The following MX1 variants were observed in gnomAD, a reference collection of about 807,000 sequenced individuals.
MX1 encodes the protein interferon-induced GTP-binding protein Mx1.
A neutral mutation model predicts 66.4 loss-of-function variants in MX1; 66 were observed. The ratio of observed to expected loss-of-function variants is 0.99; its 90% CI spans 0.82 to 1.22. MX1 has a LOEUF of 1.22. MX1 is among the 50% of genes most tolerant of loss of function. The probability of loss-of-function intolerance (pLI) is 0.00; values close to 1 mark genes in which losing one functional copy is unlikely to be tolerated. For synonymous variants in MX1, 311 were observed against 318.1 expected, an observed-to-expected ratio of 0.98 and a Z score of 0.24; for missense variants, 787 against 834.3, an observed-to-expected ratio of 0.94 and a Z score of 0.70.
chr21:41,438,863 T>TA (rs1256848582), intron 7 of MX1, among the ~76,000 whole-genome samples: 19 of 152,186 alleles, frequency 1.2e-4, no homozygotes, highest in African/African-American at 4.3e-4. Context: ...CTTCTCCCAT[T>TA]TCTTCATTGG....
Position 41,458,658 on chromosome 21 carries a change from T to C in MX1, c.1889T>C (p.Leu630Pro). 21 of 1,614,218 alleles carry C rather than the reference T, an allele frequency of 1.3e-5. No homozygotes were observed. Among genetic ancestry groups the C allele is most frequent in the Non-Finnish European group, 1.8e-5 (21 of 1,180,034 alleles). The part of the protein sequence containing the change: ...LQDKDTYSWL[L>P]KERSDTSDKR... ...GACAAGGACACCTACAGCTGGCTCC[T>C]GAAGGAGCGGAGCGACACCAGCGAC... Residue 630 changes from leucine to proline, a missense_variant, in exon 17 of 17, where the codon CTG becomes CCG. Coordinates refer to ENST00000398598, the MANE Select transcript of MX1 (RefSeq NM_002462.5).
Position 41,437,121 on chromosome 21 carries a change from T to C in MX1, c.405T>C (p.Asp135=), listed in dbSNP as rs1355606726. ...AGGACTACGAGATTGAGATTTCGGA[T>C]GCTTCAGAGGTAGAAAAGGAAATTA... ...SYQDYEIEIS[D]ASEVEKEINK... is the part of the protein sequence containing the mutation. The change falls in exon 7 of 17, where the codon GAT becomes GAC. Residue 135 remains aspartate (D), a synonymous_variant. Coordinates refer to ENST00000398598, the MANE Select transcript of MX1 (RefSeq NM_002462.5). 1 of 1,614,026 alleles carries C rather than the reference T, an allele frequency of 6.2e-7. No individual in the cohort carries two copies. The highest frequency in any genetic ancestry group is 1.7e-5 in the Admixed American group (1 of 60,014).
At chr21:41,445,291 C>T (rs1377919918) in intron 11 of MX1, among the ~76,000 whole-genome samples, 157 bp from the exon 12 acceptor site, 10 of 152,128 alleles carry the variant, frequency 6.6e-5, no homozygotes, top group Non-Finnish European at 7.4e-5. Flanking sequence ...GTGTGTGCCC[C>T]CCTGCACCTC....
chr21:41,442,311 A>G (rs2090544438), intron 10 of MX1, among the ~76,000 whole-genome samples: 1 of 152,206 alleles, frequency 6.6e-6, no homozygotes, highest in Non-Finnish European at 1.5e-5. Flanking sequence ...TTTCAAATCA[A>G]ATAGTGGACT....
intron 14 of MX1, among the ~76,000 whole-genome samples, chr21:41,450,290 CCCTT>C (rs1273141413): frequency 1.3e-5 from 2 of 152,054 alleles, no homozygotes; most frequent in Admixed American, 1.3e-4. Context: ...TGGATCCACT[CCCTT>C]CTTGAAATGC....
In MX1 at chr21:41,445,443, C is replaced by T. The variant is rs2146270775; in HGVS notation, c.1009-5C>T. On this transcript the variant is annotated splice_polypyrimidine_tract_variant and splice_region_variant and intron_variant, in intron 11 of 16. Transcript: ENST00000398598. Reference sequence around the variant, plus strand: ...TTTCCATTATTTTCTCTCCATTTTCCTCAGAAATCTCTGCCCCTGTTAGAA... The same window carrying T: ...TTTCCATTATTTTCTCTCCATTTTCTTCAGAAATCTCTGCCCCTGTTAGAA... 1.2e-6 allele frequency: 2 copies of T among 1,613,460 alleles called. No individual in the cohort carries two copies. Among genetic ancestry groups the T allele is most frequent in the Non-Finnish European group, 1.7e-6 (2 of 1,179,766 alleles).
In MX1 at chr21:41,429,604, T is replaced by G. The variant is rs1041332628; in HGVS notation, c.-97-929T>G. On this transcript the variant is annotated intron_variant, in intron 3 of 16. Coordinates refer to ENST00000398598, the MANE Select transcript of MX1 (RefSeq NM_002462.5). ...AGTTTTAGGGAATAAATTCCCAGAT[T>G]GTCAGACTCCATAAGTACCGTTTAC... is the stretch of plus-strand genomic sequence containing the variant. 5 of 152,144 alleles carry G rather than the reference T, an allele frequency of 3.3e-5. No individual in the cohort carries two copies. The East Asian group carries it at 9.6e-4, about 29-fold the overall frequency. The allele number at this position is 152,144 out of a possible 1,614,324, so 9.4% of individuals were successfully genotyped here.
intron 16 of MX1, among the ~76,000 whole-genome samples, chr21:41,457,687 T>A (rs554773000): frequency 6.6e-6 from 1 of 152,312 alleles, no homozygotes; most frequent in Non-Finnish European, 1.5e-5. Flanking sequence ...TTTCTTTAAA[T>A]TGTGCAGAAA....
chr21:41,447,129 G>A (rs186820681), intron 13 of MX1, among the ~76,000 whole-genome samples: 1 of 152,306 alleles, frequency 6.6e-6, no homozygotes, highest in Admixed American at 6.5e-5. Flanking sequence ...GAGGCTGGAA[G>A]TCCAAGATCA....
In MX1 at chr21:41,445,468, A is replaced by G; in HGVS notation, c.1029A>G (p.Glu343=). The G allele has an allele frequency of 6.2e-7, 1 of 1,614,142 alleles. No individual in the cohort carries two copies. The highest frequency in any genetic ancestry group is 1.1e-5 in the South Asian group (1 of 91,080). ...THICKSLPLL[E]NQIKETHQRI... ...CTCAGAAATCTCTGCCCCTGTTAGA[A>G]AATCAAATCAAGGAGACTCACCAGA... The change falls in exon 12 of 17, where the codon GAA becomes GAG. Residue 343 remains glutamate, a synonymous_variant. Transcript: ENST00000398598.
intron 10 of MX1, 93 bp from the exon 11 acceptor site, chr21:41,443,695 T>G: frequency 8.7e-7 from 1 of 1,145,648 alleles, no homozygotes; most frequent in Non-Finnish European, 1.3e-6. Flanking sequence ...TGTAAGCAAC[T>G]GAAATTTGCC....
At chr21:41,437,775 G>A (rs2090404273) in intron 7 of MX1, among the ~76,000 whole-genome samples, 1 of 152,204 alleles carries the variant, frequency 6.6e-6, no homozygotes, top group South Asian at 2.1e-4. Context: ...CAGATATGGG[G>A]GTGAGGGAGC....
chr21:41,446,863 C>A (rs7277299), intron 13 of MX1, among the ~76,000 whole-genome samples: 7,291 of 152,180 alleles, frequency 0.048, 294 homozygotes, highest in Non-Finnish European at 0.073. Flanking sequence ...GAGTCAATAC[C>A]GTGGTAAACC....
chr21:41,439,327 A>C (rs1229435588), intron 7 of MX1, among the ~76,000 whole-genome samples: 1 of 152,120 alleles, frequency 6.6e-6, no homozygotes, highest in Admixed American at 6.5e-5. Context: ...AGGCATTTCC[A>C]TATATTTTTA....
chr21:41,441,778 C>G lies in MX1; in HGVS notation c.793C>G (p.Arg265Gly). The G allele has an allele frequency of 1.2e-6, 2 of 1,614,152 alleles. No individual in the cohort carries two copies. Among genetic ancestry groups the G allele is most frequent in the Non-Finnish European group, 1.7e-6 (2 of 1,180,016 alleles). The change falls in exon 10 of 17, where the codon CGG becomes GGG. Residue 265 changes from arginine (R) to glycine (G), a missense_variant. Physicochemically the swap from Arg to Gly is moderately radical, Grantham distance 125. Transcript: ENST00000398598. The surrounding 1 kb of genome is among the most constrained non-coding windows in gnomAD (Gnocchi z 4.0). ...GTEDKVVDVV[R>G]NLVFHLKKGY... is the part of the protein sequence containing the mutation. ...TGAAGACAAGGTTGTGGACGTGGTG[C>G]GGAACCTCGTGTTCCACCTGAAGAA...
Position 41,432,070 on chromosome 21 carries a change from G to T in MX1, c.-1G>T. On this transcript the variant is annotated 5_prime_UTR_variant, in exon 5 of 17. Coordinates refer to ENST00000398598, the MANE Select transcript of MX1 (RefSeq NM_002462.5). ...TTAAGCTTACTTTGCAAAGAAGGAA[G>T]ATGGTTGTTTCCGAAGTGGACATCG... The T allele has an allele frequency of 1.9e-6, 3 of 1,614,028 alleles. No homozygotes were observed. Among genetic ancestry groups the T allele is most frequent in the Non-Finnish European group, 2.5e-6 (3 of 1,179,998 alleles).
rs1200129640 is a variant in MX1 at position 41,449,248 on chromosome 21, T to TA, written c.1385_1386insA (p.Lys463GlnfsTer31). On this transcript the variant is annotated frameshift_variant, in exon 14 of 17. Transcript: ENST00000398598. LOFTEE classifies it high-confidence loss of function. ...TTTGAGACAATCGTGAAACAGCAAATCAAGGCACTGGAAGAGCCGGCTGTG... is the reference window on the plus strand; with the variant it reads ...TTTGAGACAATCGTGAAACAGCAAATACAAGGCACTGGAAGAGCCGGCTGTG... The TA allele has an allele frequency of 1.2e-6, 2 of 1,613,888 alleles. No homozygotes were observed. Among genetic ancestry groups the TA allele is most frequent in the Non-Finnish European group, 1.7e-6 (2 of 1,179,968 alleles).
In MX1 at chr21:41,441,581, G is replaced by A. The variant is rs897954307; in HGVS notation, c.731-135G>A. ...GGAGCGGGGCTCCACTGCCCCCATGGTTCTGCAGGGGCTATGGCCTGTCCT... is the reference window on the plus strand; with the variant it reads ...GGAGCGGGGCTCCACTGCCCCCATGATTCTGCAGGGGCTATGGCCTGTCCT... On this transcript the variant is annotated intron_variant, in intron 9 of 16. Coordinates refer to ENST00000398598, the MANE Select transcript of MX1 (RefSeq NM_002462.5). This position sits in a 1 kb window ranked among gnomAD's most constrained non-coding sequence, Gnocchi z 4.0. 1.1e-6 allele frequency: 1 copy of A among 894,236 alleles called. No individual in the cohort carries two copies. The highest frequency in any genetic ancestry group is 1.6e-5 in the African/African-American group (1 of 61,050). 55.4% of individuals were successfully genotyped at this position (894,236 alleles called of 1,614,324 possible).
chr21:41,449,222 A>G lies in MX1; in HGVS notation c.1359A>G (p.Thr453=). 1 of 1,614,116 alleles carries G rather than the reference A, an allele frequency of 6.2e-7. No individual in the cohort carries two copies. The highest frequency in any genetic ancestry group is 8.5e-7 in the Non-Finnish European group (1 of 1,179,992). ...RELPGFVNYR[T]FETIVKQQIK... is the part of the protein sequence containing the mutation. ...TGCCAGGCTTTGTGAATTACAGGAC[A>G]TTTGAGACAATCGTGAAACAGCAAA... Residue 453 remains threonine, a synonymous_variant, in exon 14 of 17, where the codon ACA becomes ACG. Coordinates refer to ENST00000398598, the MANE Select transcript of MX1 (RefSeq NM_002462.5).
Sources: gnomAD v4.1 joint callset for allele counts (sites outside exome capture counted in the v4.1 genomes callset) on GRCh38, gnomAD v4.1.1 for gene constraint, Gnocchi (gnomAD v3.1) non-coding constraint, MANE v1.5 for transcripts, NCBI Gene and HGNC (gene_info 2026-07-23, HGNC 2026-07-21) for gene names.